Variants in VPS13A observed in about 807,000 individuals in gnomAD.
VPS13A encodes the protein intermembrane lipid transfer protein VPS13A.
A neutral mutation model predicts 390.9 loss-of-function variants in VPS13A; 264 were observed. That is an observed-to-expected ratio of 0.68 (90% confidence interval 0.61 to 0.75). The LOEUF is 0.75. Among genes scored for constraint, VPS13A ranks in the 30% least tolerant of loss-of-function variants. The pLI is 0.00. For synonymous variants in VPS13A, 1,231 were observed against 1,227.1 expected (o/e 1.00, Z -0.07); for missense variants, 3,409 against 3,733.9 (o/e 0.91, Z 2.27).
At chr9:77,201,539 C>A in intron 3 of VPS13A, 132 bp downstream of exon 3, 1 of 868,766 alleles carries the variant, frequency 1.2e-6, no homozygotes, top group Non-Finnish European at 1.9e-6. Flanking sequence ...GTTTTTGTCT[C>A]AGTAGAGCTT....
In VPS13A at chr9:77,405,958, C is replaced by A. The variant is rs117983287; in HGVS notation, c.9370C>A (p.His3124Asn). Residue 3124 changes from histidine to asparagine, a missense_variant, in exon 70 of 72, where the codon CAT (histidine) becomes AAT (asparagine). By Grantham distance (68) the His-to-Asn change is moderately conservative (BLOSUM62 1). Coordinates refer to ENST00000360280, the MANE Select transcript of VPS13A (RefSeq NM_033305.3). The stretch of plus-strand genomic sequence containing the variant: ...ATTTACCAAAGAGCCATTCATTGTT[C>A]ATGGGAGAAGATTGCGCATTGAAGC... ...DEFTKEPFIV[H>N]GRRLRIEAKE... is the part of the protein sequence containing the mutation. 18,452 of 1,613,848 alleles carry A rather than the reference C, an allele frequency of 0.011. 136 individuals carry two copies. The highest frequency in any genetic ancestry group is 0.014 in the South Asian group (1,277 of 91,066).
intron 1 of VPS13A, among the ~76,000 whole-genome samples, chr9:77,190,854 G>A (rs1824636430): frequency 6.6e-6 from 1 of 152,108 alleles, no homozygotes; most frequent in Non-Finnish European, 1.5e-5. Context: ...TCTAGTTAGT[G>A]TGCATAGAGA....
intron 31 of VPS13A, among the ~76,000 whole-genome samples, chr9:77,292,566 T>C (rs1827740964): frequency 2.0e-5 from 3 of 152,208 alleles, no homozygotes. Context: ...CCCTGTCTTG[T>C]ACCTCAGCCT....
Position 77,238,109 on chromosome 9 carries a change from C to T in VPS13A, c.1703C>T (p.Thr568Ile), listed in dbSNP as rs1475434156. Residue 568 changes from threonine to isoleucine, a missense_variant, in exon 18 of 72, where the codon ACA becomes ATA. Physicochemically the swap from Thr to Ile is moderately conservative, Grantham distance 89. This residue lies in a region of VPS13A where 2,717 missense variants were observed against 2,917.4 expected (regional missense o/e 0.93). Transcript: ENST00000360280. Reference protein sequence around the residue: ...LDDAMSLFQITFEINPLDETV... With the variant: ...LDDAMSLFQIIFEINPLDETV... ...GATGCAATGTCACTTTTCCAAATTA[C>T]ATTTGAGATAAATCCATTAGATGAA... 6.2e-7 allele frequency: 1 copy of T among 1,613,524 alleles called. No individual in the cohort carries two copies. Among genetic ancestry groups the T allele is most frequent in the Non-Finnish European group, 8.5e-7 (1 of 1,179,666 alleles).
chr9:77,414,448 A>G (rs1835078196), intron 71 of VPS13A, among the ~76,000 whole-genome samples: 1 of 152,136 alleles, frequency 6.6e-6, no homozygotes, highest in South Asian at 2.1e-4. Flanking sequence ...AGGGACATGG[A>G]TGAAGCTGGA....
rs925353013 is a variant in VPS13A, at chr9:77,284,956, C to T, written c.3339+1306C>T. Among the ~76,000 whole-genome samples, 15 of 152,090 alleles carry T rather than the reference C, an allele frequency of 9.9e-5. No homozygotes were observed. In the South Asian group the frequency reaches 1.7e-3, roughly 17 times the overall value. On this transcript the variant is annotated intron_variant, in intron 31 of 71. Transcript: ENST00000360280. The stretch of plus-strand genomic sequence containing the variant: ...CTGGCCTCAAGTGGTCTGCCTGTCC[C>T]GGCCTCCCAAAATGCTGGTATTACA...
chr9:77,358,605 T>A (rs893812166), intron 57 of VPS13A, among the ~76,000 whole-genome samples, 167 bp downstream of exon 57: 1 of 152,208 alleles, frequency 6.6e-6, no homozygotes, highest in Non-Finnish European at 1.5e-5. Flanking sequence ...CAACTAACTT[T>A]GATAAGATTT....
intron 19 of VPS13A, among the ~76,000 whole-genome samples, chr9:77,246,942 T>C (rs904948309): frequency 6.6e-6 from 1 of 152,068 alleles, no homozygotes; most frequent in Non-Finnish European, 1.5e-5. Flanking sequence ...ATTCTAAGAG[T>C]TGTTGTGAGT....
At chr9:77,413,183 T>C (rs1186288640) in intron 71 of VPS13A, among the ~76,000 whole-genome samples, 4 of 152,202 alleles carry the variant, frequency 2.6e-5, no homozygotes, top group South Asian at 2.1e-4. Context: ...AGGTAATTTA[T>C]AGATTCAATG....
intron 52 of VPS13A, among the ~76,000 whole-genome samples, chr9:77,347,473 T>G (rs1188014554): frequency 6.6e-6 from 1 of 152,118 alleles, no homozygotes; most frequent in Non-Finnish European, 1.5e-5. Context: ...TTTGAGTAGA[T>G]TTTTCTTTTT....
intron 64 of VPS13A, 21 bp from the exon 65 acceptor site, chr9:77,370,394 A>T: frequency 6.2e-7 from 1 of 1,614,170 alleles, no homozygotes; most frequent in Non-Finnish European, 8.5e-7. Flanking sequence ...CATTACTTTT[A>T]CTAAAGATAA....
Position 77,213,238 on chromosome 9 carries a change from T to G in VPS13A, c.620T>G (p.Ile207Ser). Residue 207 changes from isoleucine to serine, a missense_variant, in exon 9 of 72, where the codon ATC becomes AGC. Physicochemically the swap from Ile to Ser is moderately radical, Grantham distance 142 (BLOSUM62 -2). Around this residue, in one of 5 missense-constraint regions of VPS13A, gnomAD observed 2,717 missense variants for 2,917.4 expected, o/e 0.93. Transcript: ENST00000360280. ...TCTAATAAATTTTATTTTCAGTTAA[T>G]CCGATTGGATAACCTGTTTGCCTAT... ...DETEKLVRKLIRLDNLFAYWN... is the reference protein window; with the variant it reads ...DETEKLVRKLSRLDNLFAYWN... The G allele has an allele frequency of 6.2e-7, 1 of 1,613,328 alleles. No homozygotes were observed. The highest frequency in any genetic ancestry group is 8.5e-7 in the Non-Finnish European group (1 of 1,179,566).
At chr9:77,183,717 A>G (rs1824161193) in intron 1 of VPS13A, among the ~76,000 whole-genome samples, 1 of 152,256 alleles carries the variant, frequency 6.6e-6, no homozygotes. Flanking sequence ...TTATCAAGCC[A>G]TTGTGCTTCT....
intron 56 of VPS13A, 113 bp downstream of exon 56, chr9:77,357,951 C>CTT: frequency 2.2e-5 from 15 of 673,398 alleles, no homozygotes; most frequent in South Asian, 9.3e-5. Context: ...GTTGTGCTAG[C>CTT]CTTTTTTTTT....
At chr9:77,347,497 G>A (rs1005744658) in intron 52 of VPS13A, among the ~76,000 whole-genome samples, 11 of 151,844 alleles carry the variant, frequency 7.2e-5, no homozygotes, top group Admixed American at 6.6e-5. Context: ...TTTGTTTTGA[G>A]ACAGTGTCTC....
intron 68 of VPS13A, among the ~76,000 whole-genome samples, chr9:77,399,949 C>G (rs931868270): frequency 6.6e-6 from 1 of 152,000 alleles, no homozygotes; most frequent in Non-Finnish European, 1.5e-5. Context: ...TTATACATCT[C>G]TCTATGTCAG....
At chr9:77,382,539 C>T in intron 68 of VPS13A, 1 of 1,202,068 alleles carries the variant, frequency 8.3e-7, no homozygotes, top group Non-Finnish European at 1.0e-6. Flanking sequence ...GTGGTACTTA[C>T]TTAACCAATT....
intron 13 of VPS13A, among the ~76,000 whole-genome samples, chr9:77,223,396 T>C (rs1174801981): frequency 6.6e-6 from 1 of 152,130 alleles, no homozygotes; most frequent in Non-Finnish European, 1.5e-5. Context: ...GAGAAAGGCA[T>C]GTTGAAAGCA....
chr9:77,337,108 A>T, intron 46 of VPS13A, 147 bp from the exon 47 acceptor site: 1 of 896,886 alleles, frequency 1.1e-6, no homozygotes, highest in Non-Finnish European at 1.6e-6. Context: ...TATCTATCTT[A>T]CTTATATCGT....
Sources: allele counts gnomAD v4.1 joint callset (sites outside exome capture counted in the v4.1 genomes callset), GRCh38; gene constraint gnomAD v4.1.1; regional missense constraint gnomAD v4.1.1; transcripts MANE v1.5; gene names NCBI Gene and HGNC (gene_info 2026-07-23, HGNC 2026-07-21).